OSBPL5: variants seen among roughly 807,000 people sequenced by gnomAD.
OSBPL5 encodes oxysterol binding protein like 5.
In OSBPL5, 71 loss-of-function variants were observed where a neutral mutation model predicts 111.2. The ratio of observed to expected loss-of-function variants is 0.64; its 90% CI spans 0.53 to 0.78. OSBPL5 has a LOEUF of 0.78. Ranked by LOEUF, OSBPL5 falls within the 30% of genes least tolerant of loss-of-function variation. OSBPL5 has a pLI of 0.00. For missense variants in OSBPL5, 1,210 were observed against 1,189.3 expected, an observed-to-expected ratio of 1.02 and a Z score of -0.26; for synonymous variants, 549 against 513.9, an observed-to-expected ratio of 1.07 and a Z score of -0.93.
chr11:3,163,289 TG>T (rs571434908), intron 1 of OSBPL5, among the ~76,000 whole-genome samples: 164 of 152,322 alleles, frequency 1.1e-3, no homozygotes, highest in Middle Eastern at 3.4e-3. Context: ...TGTGCCTGTA[TG>T]TGTGCAAACG....
rs1227497454 is a variant in OSBPL5 at position 3,126,049 on chromosome 11, G to A, written c.219+424C>T. Among the ~76,000 whole-genome samples, 1 of 152,202 alleles carries A rather than the reference G, an allele frequency of 6.6e-6. No individual in the cohort carries two copies. Among genetic ancestry groups the A allele is most frequent in the African/African-American group, 2.4e-5 (1 of 41,450 alleles). On this transcript the variant is annotated intron_variant, in intron 3 of 21. Transcript: ENST00000263650. The surrounding 1 kb of genome is among the most constrained non-coding windows in gnomAD (Gnocchi z 6.5). ...AGCGTTGGTGAGGATGTGAGGAACT[G>A]GAGCCCTTGTGCACTGTGGGTGGCC... is the stretch of plus-strand genomic sequence containing the variant.
intron 7 of OSBPL5, among the ~76,000 whole-genome samples, chr11:3,111,994 CAT>C (rs1491367655): frequency 6.2e-5 from 6 of 97,372 alleles, no homozygotes; most frequent in South Asian, 4.2e-4. Flanking sequence ...CATGTGTGTG[CAT>C]GTGTGTGTGT....
chr11:3,135,873 G>A (rs57852284), intron 1 of OSBPL5, among the ~76,000 whole-genome samples: 17,557 of 152,190 alleles, frequency 0.12, 2,739 homozygotes, highest in African/African-American at 0.36. Context: ...TAGGAGTTGC[G>A]GAGGGGACAG....
At position 3,121,860 on chromosome 11, in the gene OSBPL5, G is replaced by A; in HGVS notation, c.402+137C>T. 1 of 731,502 alleles carries A rather than the reference G, an allele frequency of 1.4e-6. No individual in the cohort carries two copies. The highest frequency in any genetic ancestry group is 2.3e-6 in the Non-Finnish European group (1 of 437,194). The allele number at this position is 731,502 out of a possible 1,614,324, so 45.3% of individuals were successfully genotyped here. A position where few individuals can be genotyped will look rare whatever the true frequency, so the allele number is the denominator to read the frequency against. ...TAAGGAAAGGCCTCATGAGGAAGGA[G>A]CAGAGGCTGCAGTGATAACGGCTAG... On this transcript the variant is annotated intron_variant, in intron 5 of 21. Transcript: ENST00000263650. This position sits in a 1 kb window ranked among gnomAD's most constrained non-coding sequence, Gnocchi z 4.3.
intron 5 of OSBPL5, 143 bp from the exon 6 acceptor site, chr11:3,120,767 C>G: frequency 1.2e-6 from 1 of 828,554 alleles, no homozygotes; most frequent in Non-Finnish European, 1.9e-6. Context: ...CACACCAGTT[C>G]GGAACTCACC....
chr11:3,090,833 G>C, intron 19 of OSBPL5, 137 bp from the exon 20 acceptor site: 1 of 1,190,020 alleles, frequency 8.4e-7, no homozygotes, highest in Non-Finnish European at 1.2e-6. Context: ...GGGCTGTGGA[G>C]CTGGCTGGAG....
In OSBPL5 at chr11:3,093,004, C is replaced by A. The variant is rs759759875; in HGVS notation, c.1995G>T (p.Arg665Ser). 6.2e-7 allele frequency: 1 copy of A among 1,604,870 alleles called. No individual in the cohort carries two copies. Among genetic ancestry groups the A allele is most frequent in the Non-Finnish European group, 8.5e-7 (1 of 1,177,116 alleles). ...CCAGTGCAAACTTCTCCTGTGTGGCCCTGTGCTGGTCGCCCTTGCTGATGG... is the reference window on the plus strand; with the variant it reads ...CCAGTGCAAACTTCTCCTGTGTGGCACTGTGCTGGTCGCCCTTGCTGATGG... ...TRAISKGDQH[R>S]ATQEKFALEE... Residue 665 changes from arginine (R) to serine (S), a missense_variant, in exon 18 of 22, where the codon AGG becomes AGT. Transcript: ENST00000263650.
Position 3,121,153 on chromosome 11 carries a change from G to A in OSBPL5, c.403-529C>T, listed in dbSNP as rs1200000250. Among the ~76,000 whole-genome samples, 1 of 150,742 alleles carries A rather than the reference G, an allele frequency of 6.6e-6. No individual in the cohort carries two copies. The highest frequency in any genetic ancestry group is 2.4e-5 in the African/African-American group (1 of 40,980). On this transcript the variant is annotated intron_variant, in intron 5 of 21. Transcript: ENST00000263650. The surrounding 1 kb of genome is among the most constrained non-coding windows in gnomAD (Gnocchi z 4.3). ...GCTCGCTGCAAACTCTGCCTCCCAG[G>A]TTCAAGCGATTCTCCTGCCTCAGCC...
intron 1 of OSBPL5, among the ~76,000 whole-genome samples, chr11:3,159,359 T>C (rs1277720734): frequency 2.6e-5 from 4 of 152,282 alleles, no homozygotes; most frequent in East Asian, 1.9e-4. Context: ...TAACGAGGCC[T>C]GGTACCTAAC....
Position 3,107,844 on chromosome 11 carries a change from G to T in OSBPL5, c.793C>A (p.Pro265Thr). The part of the protein sequence containing the change: ...PGRDGEPGTS[P>T]DASPSSLCGL... ...CAGAGCGATGAGGGTGATGCGTCTG[G>T]CGAGGTCCCTGGCTCCCCGTCTCGG... Residue 265 changes from proline to threonine, a missense_variant, in exon 8 of 22, where the codon CCA becomes ACA. Coordinates refer to ENST00000263650, the MANE Select transcript of OSBPL5 (RefSeq NM_020896.4). This position sits in a 1 kb window ranked among gnomAD's most constrained non-coding sequence, Gnocchi z 6.1. 1 of 1,611,608 alleles carries T rather than the reference G, an allele frequency of 6.2e-7. No individual in the cohort carries two copies. Among genetic ancestry groups the T allele is most frequent in the Non-Finnish European group, 8.5e-7 (1 of 1,179,946 alleles).
chr11:3,135,054 C>T (rs1845912104), intron 1 of OSBPL5, among the ~76,000 whole-genome samples: 1 of 152,254 alleles, frequency 6.6e-6, no homozygotes, highest in Non-Finnish European at 1.5e-5. Context: ...GCTCCTCCTT[C>T]TTCCTCGGAG....
chr11:3,134,793 A>C (rs1360920023), intron 1 of OSBPL5, among the ~76,000 whole-genome samples: 1 of 122,818 alleles, frequency 8.1e-6, no homozygotes, highest in Non-Finnish European at 1.7e-5. Flanking sequence ...GTCTGCTGGG[A>C]CTTGGGGGTG....
rs960100619 is a variant in OSBPL5 at position 3,154,021 on chromosome 11, C to T, written c.-22+11195G>A. On this transcript the variant is annotated intron_variant, in intron 1 of 21. Transcript: ENST00000263650. This position sits in a 1 kb window ranked among gnomAD's most constrained non-coding sequence, Gnocchi z 4.9. Reference sequence around the variant, plus strand: ...GCACACACAGCAGGGAGCCCCAGGGCAGGCCCGCAGCCCCCAAGGAAGGTC... The same window carrying T: ...GCACACACAGCAGGGAGCCCCAGGGTAGGCCCGCAGCCCCCAAGGAAGGTC... Among the ~76,000 whole-genome samples, 3 of 152,216 alleles carry T rather than the reference C, an allele frequency of 2.0e-5. No homozygotes were observed. The highest frequency in any genetic ancestry group is 1.3e-4 in the Admixed American group (2 of 15,294).
intron 1 of OSBPL5, among the ~76,000 whole-genome samples, chr11:3,133,725 C>T (rs1283233270): frequency 1.3e-5 from 2 of 152,250 alleles, no homozygotes. Context: ...CTCATCCTGC[C>T]CCCACAGTCC....
chr11:3,157,971 G>T (rs1846832906), intron 1 of OSBPL5, among the ~76,000 whole-genome samples: 1 of 152,234 alleles, frequency 6.6e-6, no homozygotes, highest in Non-Finnish European at 1.5e-5. Flanking sequence ...GAGCACCTCT[G>T]TCCCCCTCTC....
Position 3,140,547 on chromosome 11 carries a change from C to G in OSBPL5, c.-21-11378G>C, listed in dbSNP as rs1165714907. Among the ~76,000 whole-genome samples the G allele has an allele frequency of 6.6e-6, 1 of 152,124 alleles. No individual in the cohort carries two copies. The highest frequency in any genetic ancestry group is 2.4e-5 in the African/African-American group (1 of 41,420). On this transcript the variant is annotated intron_variant, in intron 1 of 21. Coordinates refer to ENST00000263650, the MANE Select transcript of OSBPL5 (RefSeq NM_020896.4). The surrounding 1 kb of genome is among the most constrained non-coding windows in gnomAD (Gnocchi z 4.5). ...CGTGAGCACGCAGGGCCTCCCCCAG[C>G]AGAGAGGGGCACCGAGGGAAGCCAG...
At chr11:3,132,796 C>T (rs1209250126) in intron 1 of OSBPL5, among the ~76,000 whole-genome samples, 3 of 152,208 alleles carry the variant, frequency 2.0e-5, no homozygotes, top group Non-Finnish European at 2.9e-5. Flanking sequence ...CTTTGTTCTT[C>T]GCACACACTT....
At chr11:3,103,151 G>C (rs550911434) in intron 11 of OSBPL5, 88 bp downstream of exon 11, 3 of 1,185,830 alleles carry the variant, frequency 2.5e-6, no homozygotes, top group South Asian at 1.5e-5. Flanking sequence ...GGGGTGGCCC[G>C]GGGACTCAGG....
At position 3,106,647 on chromosome 11, in the gene OSBPL5, C is replaced by A. The variant is rs1564833192; in HGVS notation, c.1059+616G>T. Among the ~76,000 whole-genome samples the A allele has an allele frequency of 6.6e-6, 1 of 152,190 alleles. No homozygotes were observed. Among genetic ancestry groups the A allele is most frequent in the Non-Finnish European group, 1.5e-5 (1 of 68,032 alleles). The stretch of plus-strand genomic sequence containing the variant: ...TCCCTTGAGCTCGTGCGCTGGTGGT[C>A]CTTCTTCTTGGAACGCCATCCTCCC... On this transcript the variant is annotated intron_variant, in intron 9 of 21. Coordinates refer to ENST00000263650, the MANE Select transcript of OSBPL5 (RefSeq NM_020896.4). The surrounding 1 kb of genome is among the most constrained non-coding windows in gnomAD (Gnocchi z 8.4).
Sources: allele counts gnomAD v4.1 joint callset (sites outside exome capture counted in the v4.1 genomes callset), GRCh38; gene constraint gnomAD v4.1.1; non-coding constraint Gnocchi (gnomAD v3.1); transcripts MANE v1.5; gene names NCBI Gene and HGNC (gene_info 2026-07-23, HGNC 2026-07-21).